The following KCNT1 variants were observed in gnomAD, a reference collection of about 807,000 sequenced individuals.
KCNT1 encodes the protein potassium channel subfamily T member 1.
KCNT1 carries 78 observed loss-of-function variants against 147.8 expected under a neutral mutation model. The ratio of observed to expected loss-of-function variants is 0.53; its 90% CI spans 0.44 to 0.64. The LOEUF (loss-of-function observed/expected upper bound fraction) is 0.64, where lower values mean the gene tolerates loss of function less well. Among genes scored for constraint, KCNT1 ranks in the 30% least tolerant of loss-of-function variants. The pLI is 0.00. For missense variants in KCNT1, 1,419 were observed against 1,750.3 expected (o/e 0.81, Z 3.38); for synonymous variants, 867 against 748.8 (o/e 1.16, Z -2.58).
chr9:135,764,669 C>T (rs200722253), intron 11 of KCNT1, among the ~76,000 whole-genome samples: 97 of 152,236 alleles, frequency 6.4e-4, no homozygotes, highest in Non-Finnish European at 1.2e-3. Flanking sequence ...GTGAGGCCTG[C>T]GAGTGCCTGG....
At position 135,734,732 on chromosome 9, in the gene KCNT1, G is replaced by A. The variant is rs554807644; in HGVS notation, c.255-15366G>A. Among the ~76,000 whole-genome samples, 255 of 152,298 alleles carry A rather than the reference G, an allele frequency of 1.7e-3. 1 individual carries two copies. Among genetic ancestry groups the A allele is most frequent in the African/African-American group, 5.7e-3 (238 of 41,572 alleles). On this transcript the variant is annotated intron_variant, in intron 2 of 30. Coordinates refer to ENST00000371757, the MANE Select transcript of KCNT1 (RefSeq NM_020822.3). ...GTGGGCGCGCGCGTTTGCCTCCTGC[G>A]TGAGGCTTCCTCCAGCACTGCGGTG...
At chr9:135,782,129 G>A (rs1255707126) in intron 24 of KCNT1, among the ~76,000 whole-genome samples, 4 of 152,320 alleles carry the variant, frequency 2.6e-5, no homozygotes, top group African/African-American at 4.8e-5. Context: ...GTTTGAACCC[G>A]GGATGCAGAG....
intron 13 of KCNT1, chr9:135,766,551 GTCTGGGGTGGACCA>G: frequency 7.2e-6 from 1 of 139,844 alleles, no homozygotes; most frequent in East Asian, 2.0e-4. Flanking sequence ...GGGGTGGATC[GTCTGGGGTGGACCA>G]TCCATGGTGG....
intron 2 of KCNT1, among the ~76,000 whole-genome samples, chr9:135,728,844 G>A (rs1426906110): frequency 3.3e-5 from 5 of 152,186 alleles, no homozygotes; most frequent in Admixed American, 2.0e-4. Context: ...CCCACCAGGC[G>A]GGTCCCCCAG....
intron 1 of KCNT1, among the ~76,000 whole-genome samples, chr9:135,712,088 T>G (rs913598606): frequency 6.6e-6 from 1 of 152,030 alleles, no homozygotes; most frequent in African/African-American, 2.4e-5. Flanking sequence ...GCCTGCAGGG[T>G]GTGTGCTGAC....
chr9:135,766,444 TC>T (rs1186924273), intron 13 of KCNT1, among the ~76,000 whole-genome samples: 1 of 151,444 alleles, frequency 6.6e-6, no homozygotes, highest in Non-Finnish European at 1.5e-5. Flanking sequence ...GGGTTGGTCC[TC>T]TGGGGTAGAT....
intron 28 of KCNT1, chr9:135,785,948 G>A (rs1346880578): frequency 2.5e-5 from 14 of 559,988 alleles, no homozygotes; most frequent in South Asian, 1.1e-4. Context: ...CGAATCCCTT[G>A]ACCAGGCCCG....
intron 2 of KCNT1, among the ~76,000 whole-genome samples, chr9:135,721,465 C>T (rs749732378): frequency 4.6e-5 from 7 of 152,194 alleles, no homozygotes; most frequent in Non-Finnish European, 8.8e-5. Flanking sequence ...TGGGAGGACA[C>T]GGCCAGCCTG....
intron 1 of KCNT1, among the ~76,000 whole-genome samples, chr9:135,704,462 C>G (rs1290476209): frequency 6.6e-6 from 1 of 152,160 alleles, no homozygotes; most frequent in Non-Finnish European, 1.5e-5. Context: ...TCTTCACGGG[C>G]CTCTGGCCTC....
intron 2 of KCNT1, among the ~76,000 whole-genome samples, chr9:135,718,461 C>T (rs187518065): frequency 9.1e-4 from 138 of 152,302 alleles, no homozygotes; most frequent in Non-Finnish European, 1.5e-3. Flanking sequence ...GACGGAAGGG[C>T]TGGTGTGCCC....
intron 2 of KCNT1, among the ~76,000 whole-genome samples, chr9:135,734,883 G>A (rs1176509185): frequency 1.3e-5 from 2 of 152,176 alleles, no homozygotes; most frequent in Non-Finnish European, 1.5e-5. Flanking sequence ...TCGGCCCTTT[G>A]TGCAGTCATG....
intron 7 of KCNT1, 39 bp downstream of exon 7, chr9:135,756,971 C>T: frequency 3.6e-6 from 3 of 830,356 alleles, no homozygotes; most frequent in Non-Finnish European, 5.0e-6. Flanking sequence ...CAGGGGGTCC[C>T]CACCCTCCCC....
At chr9:135,770,218 G>C (rs1457379361) in intron 16 of KCNT1, 80 bp from the exon 17 acceptor site, 2 of 1,502,850 alleles carry the variant, frequency 1.3e-6, no homozygotes, top group East Asian at 2.3e-5. Flanking sequence ...AAGCAGAGGG[G>C]GGCACCTGCA....
chr9:135,737,784 C>A (rs938149893), intron 2 of KCNT1, among the ~76,000 whole-genome samples: 3 of 152,204 alleles, frequency 2.0e-5, no homozygotes, highest in Middle Eastern at 3.4e-3. Flanking sequence ...CTGTTGGGCC[C>A]CTCCCGGCAC....
intron 4 of KCNT1, among the ~76,000 whole-genome samples, chr9:135,753,027 TGG>T (rs1414592343): frequency 6.8e-6 from 1 of 147,200 alleles, no homozygotes; most frequent in East Asian, 2.1e-4. Context: ...GATGGATGGA[TGG>T]ACAGATGAGT....
chr9:135,722,811 G>A (rs1206701903), intron 2 of KCNT1, among the ~76,000 whole-genome samples: 5 of 152,058 alleles, frequency 3.3e-5, no homozygotes, highest in African/African-American at 4.8e-5. Context: ...TCATGAACTC[G>A]TCCAAGCCTA....
At chr9:135,779,599 A>G (rs1244268607) in intron 24 of KCNT1, 129 bp downstream of exon 24, 1 of 697,826 alleles carries the variant, frequency 1.4e-6, no homozygotes, top group African/African-American at 1.8e-5. Context: ...TGGGGAACTC[A>G]GGAGATGGCG....
chr9:135,769,776 G>T (rs554474041), intron 15 of KCNT1, among the ~76,000 whole-genome samples, 171 bp from the exon 16 acceptor site: 21 of 152,164 alleles, frequency 1.4e-4, no homozygotes, highest in Non-Finnish European at 2.6e-4. Flanking sequence ...GACCAAGTAG[G>T]GGGTTGAGGT....
At chr9:135,766,320 C>CT (rs1832280595) in intron 13 of KCNT1, among the ~76,000 whole-genome samples, 2 of 149,518 alleles carry the variant, frequency 1.3e-5, no homozygotes, top group Non-Finnish European at 3.0e-5. Context: ...GGTGGGCTGT[C>CT]TGGGGTGGGC....
Sources: gnomAD v4.1 joint callset for allele counts (sites outside exome capture counted in the v4.1 genomes callset) on GRCh38, gnomAD v4.1.1 for gene constraint, MANE v1.5 for transcripts, NCBI Gene and HGNC (gene_info 2026-07-23, HGNC 2026-07-21) for gene names.